Variants in ABHD4 observed in about 807,000 individuals in gnomAD.
ABHD4 encodes the protein abhydrolase domain containing 4, N-acyl phospholipase B, also known as (Lyso)-N-acylphosphatidylethanolamine lipase.
Under a neutral mutation model 42.3 loss-of-function variants are expected in ABHD4, and 35 were observed. That is an observed-to-expected ratio of 0.83 (90% CI 0.63 to 1.10). The LOEUF (loss-of-function observed/expected upper bound fraction) is 1.10. ABHD4 is among the 50% of genes least tolerant of loss of function. The pLI is 0.00. For synonymous variants in ABHD4, 169 were observed against 170.6 expected, an observed-to-expected ratio of 0.99 and a Z score of 0.07; for missense variants, 389 against 454.8, an observed-to-expected ratio of 0.86 and a Z score of 1.32.
intron 1 of ABHD4, among the ~76,000 whole-genome samples, chr14:22,599,257 T>G (rs2037254107): frequency 1.3e-5 from 2 of 152,200 alleles, no homozygotes; most frequent in Non-Finnish European, 2.9e-5. Flanking sequence ...AAATTTGCAA[T>G]GCTTTAAAGG....
rs2037350769 is a variant in ABHD4, at chr14:22,606,441, A to G, written c.660A>G (p.Arg220=). 2 of 1,612,642 alleles carry G rather than the reference A, an allele frequency of 1.2e-6. No homozygotes were observed. The highest frequency in any genetic ancestry group is 3.3e-5 in the Admixed American group (2 of 59,786). Residue 220 remains arginine (R), a synonymous_variant, in exon 5 of 7, where the codon CGA becomes CGG. Transcript: ENST00000428304. ...AGPWGPGLVQ[R]FRPDFKRKFA... ...TCCCAGGGCCTGGTCTGGTGCAGCG[A>G]TTCCGGCCGGACTTCAAACGCAAGT...
At chr14:22,610,177 C>T (rs1224526200) in intron 6 of ABHD4, among the ~76,000 whole-genome samples, 2 of 152,136 alleles carry the variant, frequency 1.3e-5, no homozygotes, top group Non-Finnish European at 2.9e-5. Flanking sequence ...TCTGCCTCAG[C>T]CTCCCGAGTA....
rs2037424548 is a variant in ABHD4, at chr14:22,612,319, G to A, written c.*1371G>A. The A allele has an allele frequency of 6.6e-6, 1 of 152,636 alleles. No individual in the cohort carries two copies. The highest frequency in any genetic ancestry group is 2.4e-5 in the African/African-American group (1 of 41,444). The allele number at this position is 152,636 out of a possible 1,614,324, so 9.5% of individuals were successfully genotyped here. ...TTTGTACTACTGGTCCAGCTGCCCTGGGCTCCTTTTCTATATTAATAAAGA... is the reference window on the plus strand; with the variant it reads ...TTTGTACTACTGGTCCAGCTGCCCTAGGCTCCTTTTCTATATTAATAAAGA... On this transcript the variant is annotated 3_prime_UTR_variant, in exon 7 of 7. Transcript: ENST00000428304.
At position 22,603,516 on chromosome 14, in the gene ABHD4, G is replaced by T. The variant is rs2037311352; in HGVS notation, c.239G>T (p.Gly80Val). 3 of 1,614,182 alleles carry T rather than the reference G, an allele frequency of 1.9e-6. No individual in the cohort carries two copies. The highest frequency in any genetic ancestry group is 1.1e-5 in the South Asian group (1 of 91,080). Reference sequence around the variant, plus strand: ...GTGATGGTGCATGGTTTTGGGGGCGGCGTGGGTCTCTGGATCCTCAACATG... The same window carrying T: ...GTGATGGTGCATGGTTTTGGGGGCGTCGTGGGTCTCTGGATCCTCAACATG... ...PLVMVHGFGG[G>V]VGLWILNMDS... The change falls in exon 3 of 7, where the codon GGC becomes GTC. Residue 80 changes from glycine to valine, a missense_variant. Around this residue, in one of 3 missense-constraint regions of ABHD4, gnomAD observed 102 missense variants for 128.3 expected, o/e 0.80. Coordinates refer to ENST00000428304, the MANE Select transcript of ABHD4 (RefSeq NM_022060.3).
chr14:22,605,863 G>T (rs747179140), intron 4 of ABHD4: 49 of 1,282,472 alleles, frequency 3.8e-5, no homozygotes, highest in East Asian at 5.6e-5. Flanking sequence ...GTCTGTTGTT[G>T]CATGTATGTA....
Position 22,612,160 on chromosome 14 carries a change from GCTTTTT to G in ABHD4, c.*1214_*1219del, listed in dbSNP as rs1267400633. ...CAATCCACCCCTGACCCATCTGTCAGCTTTTTCCCAGGGAGCCGTTTCAGGGGTTCT... is the reference window on the plus strand; with the variant it reads ...CAATCCACCCCTGACCCATCTGTCAGCCCAGGGAGCCGTTTCAGGGGTTCT... On this transcript the variant is annotated 3_prime_UTR_variant, in exon 7 of 7. Transcript: ENST00000428304. 1 of 152,690 alleles carries G rather than the reference GCTTTTT, an allele frequency of 6.5e-6. No homozygotes were observed. Among genetic ancestry groups the G allele is most frequent in the Non-Finnish European group, 1.5e-5 (1 of 68,154 alleles). 9.5% of individuals were successfully genotyped at this position (152,690 alleles called of 1,614,324 possible).
intron 4 of ABHD4, among the ~76,000 whole-genome samples, chr14:22,605,609 A>T (rs569629029): frequency 6.4e-4 from 97 of 151,810 alleles, no homozygotes; most frequent in African/African-American, 2.2e-3. Flanking sequence ...TGCTCGAGCT[A>T]CTCTCCCCTA....
intron 1 of ABHD4, among the ~76,000 whole-genome samples, chr14:22,601,126 T>A (rs1238218487): frequency 6.6e-6 from 1 of 152,084 alleles, no homozygotes; most frequent in Admixed American, 6.6e-5. Context: ...TCTCCATGGG[T>A]TGGACTGATT....
chr14:22,601,726 TGAA>T lies in ABHD4; in HGVS notation c.87_89del (p.Lys29del). On this transcript the variant is annotated inframe_deletion, in exon 2 of 7. Transcript: ENST00000428304. ...TGGCGCCCCACTTCCATGTCTCAGC[TGAA>T]GAATGTGGAAGCCAGGATCCTCCAG... 3 of 1,614,156 alleles carry T rather than the reference TGAA, an allele frequency of 1.9e-6. No homozygotes were observed. The highest frequency in any genetic ancestry group is 1.7e-6 in the Non-Finnish European group (2 of 1,180,018).
intron 2 of ABHD4, among the ~76,000 whole-genome samples, chr14:22,602,823 G>A (rs970036245): frequency 2.6e-5 from 4 of 152,054 alleles, no homozygotes; most frequent in Admixed American, 1.3e-4. Flanking sequence ...AGATTAAATC[G>A]GTAAAGATCA....
chr14:22,603,720 G>A lies in ABHD4; in HGVS notation c.443G>A (p.Gly148Glu), dbSNP rs763166943. 6.3e-7 allele frequency: 1 copy of A among 1,599,050 alleles called. No individual in the cohort carries two copies. The highest frequency in any genetic ancestry group is 8.5e-7 in the Non-Finnish European group (1 of 1,171,548). The change falls in exon 3 of 7, where the codon GGA becomes GAA. Residue 148 changes from glycine to glutamate, a missense_variant. Coordinates refer to ENST00000428304, the MANE Select transcript of ABHD4 (RefSeq NM_022060.3). ...PSMILLGHSLGGFLATSYSIK... is the reference protein window; with the variant it reads ...PSMILLGHSLEGFLATSYSIK... Reference sequence around the variant, plus strand: ...ATGATCCTCCTGGGGCACAGTTTGGGAGGATTCCTGGCCACTTCTTACTCA... The same window carrying A: ...ATGATCCTCCTGGGGCACAGTTTGGAAGGATTCCTGGCCACTTCTTACTCA...
chr14:22,609,478 T>G, intron 5 of ABHD4: 1 of 404,268 alleles, frequency 2.5e-6, no homozygotes, highest in Admixed American at 4.1e-5. Context: ...TAATAACCCA[T>G]TTCATTCTCA....
chr14:22,609,493 C>G (rs1236774575), intron 5 of ABHD4: 2 of 467,496 alleles, frequency 4.3e-6, no homozygotes, highest in Non-Finnish European at 7.6e-6. Context: ...TTCTCAGATT[C>G]TTGGACAGTT....
intron 2 of ABHD4, among the ~76,000 whole-genome samples, chr14:22,602,526 T>C (rs2139264156): frequency 6.6e-6 from 1 of 152,196 alleles, no homozygotes; most frequent in Non-Finnish European, 1.5e-5. Context: ...CTGCCCCACC[T>C]CAGTCTCTCA....
intron 6 of ABHD4, among the ~76,000 whole-genome samples, chr14:22,610,334 C>G (rs2037398852): frequency 6.6e-6 from 1 of 152,146 alleles, no homozygotes; most frequent in Non-Finnish European, 1.5e-5. Context: ...TCGTATTGTA[C>G]TACCTTCATT....
rs1386217526 is a variant in ABHD4 at position 22,612,374 on chromosome 14, G to A, written c.*1426G>A. 6.6e-6 allele frequency: 1 copy of A among 152,430 alleles called. No individual in the cohort carries two copies. Among genetic ancestry groups the A allele is most frequent in the East Asian group, 1.9e-4 (1 of 5,202 alleles). 9.4% of individuals were successfully genotyped at this position (152,430 alleles called of 1,614,324 possible). ...AGTAAAAATTACCGGTGGGGATGAT[G>A]TTTAAAATTGCTCTGATCACTGGTG... On this transcript the variant is annotated 3_prime_UTR_variant, in exon 7 of 7. Transcript: ENST00000428304.
intron 1 of ABHD4, chr14:22,600,288 T>C (rs1414670171): frequency 1.6e-5 from 7 of 433,656 alleles, no homozygotes; most frequent in Admixed American, 1.5e-4. Context: ...TGTGGTTATG[T>C]TCTGTGAATA....
chr14:22,603,327 G>T, intron 2 of ABHD4, 63 bp from the exon 3 acceptor site: 2 of 1,599,922 alleles, frequency 1.3e-6, no homozygotes, highest in Non-Finnish European at 1.7e-6. Context: ...TGGTAGTCCA[G>T]GCAAAATGAT....
intron 5 of ABHD4, among the ~76,000 whole-genome samples, chr14:22,608,699 G>A (rs746488513): frequency 3.3e-5 from 5 of 152,146 alleles, no homozygotes; most frequent in Middle Eastern, 3.4e-3. Context: ...GTTGTTTTTT[G>A]TTTGTTTGTT....
Sources: allele counts gnomAD v4.1 joint callset (sites outside exome capture counted in the v4.1 genomes callset), GRCh38; gene constraint gnomAD v4.1.1; regional missense constraint gnomAD v4.1.1; transcripts MANE v1.5; gene names NCBI Gene and HGNC (gene_info 2026-07-23, HGNC 2026-07-21).